The following PCDHA9 variants were observed in gnomAD, a reference collection of about 807,000 sequenced individuals.
PCDHA9 encodes the protein protocadherin alpha-9.
Under a neutral mutation model 62.0 loss-of-function variants are expected in PCDHA9, and 62 were observed. The ratio of observed to expected loss-of-function variants is 1.00; its 90% confidence interval spans 0.81 to 1.23. PCDHA9 has a LOEUF of 1.23. PCDHA9 is among the 50% of genes most tolerant of loss of function. PCDHA9 has a pLI of 0.00. For missense variants in PCDHA9, 1,205 were observed against 1,249.8 expected, an observed-to-expected ratio of 0.96 and a Z score of 0.54; for synonymous variants, 557 against 567.6, an observed-to-expected ratio of 0.98 and a Z score of 0.27.
chr5:140,917,058 C>T (rs1028478613), intron 1 of PCDHA9, among the ~76,000 whole-genome samples: 4 of 152,072 alleles, frequency 2.6e-5, no homozygotes, highest in Non-Finnish European at 5.9e-5. Context: ...TTCCCTGCTA[C>T]GACAGCACCG....
chr5:140,926,835 T>C (rs2083586569), intron 1 of PCDHA9: 4 of 1,505,630 alleles, frequency 2.7e-6, no homozygotes, highest in East Asian at 2.3e-5. Context: ...GTCCGGAGCA[T>C]GGTCCTGGGT....
intron 1 of PCDHA9, among the ~76,000 whole-genome samples, chr5:140,887,968 T>C (rs1434403033): frequency 6.6e-6 from 1 of 152,242 alleles, no homozygotes; most frequent in Non-Finnish European, 1.5e-5. Context: ...TTTGTCTCTT[T>C]TAAAATTTAT....
At chr5:141,005,960 TA>T (rs1322848010) in intron 3 of PCDHA9, among the ~76,000 whole-genome samples, 2 of 151,500 alleles carry the variant, frequency 1.3e-5, no homozygotes, top group Non-Finnish European at 2.9e-5. Context: ...CAAACAACAA[TA>T]AAAAAACAAT....
At chr5:140,879,025 A>G (rs557183400) in intron 1 of PCDHA9, among the ~76,000 whole-genome samples, 36 of 152,342 alleles carry the variant, frequency 2.4e-4, no homozygotes, top group African/African-American at 8.7e-4. Flanking sequence ...TGTTTTATTG[A>G]AGAGTGTCTT....
chr5:140,855,571 T>G (rs2043521120), intron 1 of PCDHA9, among the ~76,000 whole-genome samples: 1 of 149,810 alleles, frequency 6.7e-6, no homozygotes, highest in Non-Finnish European at 1.5e-5. Context: ...AAAGTTGTCA[T>G]TTAATAAAAT....
chr5:140,884,449 C>T, intron 1 of PCDHA9: 1 of 1,613,826 alleles, frequency 6.2e-7, no homozygotes, highest in Non-Finnish European at 8.5e-7. Context: ...CGGCACCGCC[C>T]ACCGAGGGCG....
intron 1 of PCDHA9, chr5:140,867,441 G>A (rs1188505395): frequency 1.3e-5 from 2 of 152,032 alleles, no homozygotes; most frequent in African/African-American, 4.8e-5. Flanking sequence ...GCATTTACCT[G>A]AATTAGAGTT....
chr5:140,966,732 G>T (rs2153748727), intron 1 of PCDHA9: 1 of 1,415,600 alleles, frequency 7.1e-7, no homozygotes, highest in African/African-American at 1.5e-5. Context: ...GCCGCCTCCG[G>T]CCCTGCCCGG....
rs782577579 is a variant in PCDHA9, at chr5:140,978,981, T to G, written c.2427T>G (p.Ser809=). The G allele has an allele frequency of 1.4e-5, 22 of 1,614,096 alleles. No individual in the cohort carries two copies. Among genetic ancestry groups the G allele is most frequent in the Non-Finnish European group, 1.8e-5 (21 of 1,180,040 alleles). The change falls in exon 2 of 4, where the codon TCT becomes TCG. Residue 809 remains serine (S), a synonymous_variant. Transcript: ENST00000532602. ...PRQPNPDWRY[S]ASLRAGMHSS... ...AGCCCAACCCTGACTGGCGTTACTC[T>G]GCCTCCCTGAGAGCAGGCATGCACA... is the stretch of plus-strand genomic sequence containing the variant.
intron 1 of PCDHA9, chr5:140,865,984 C>CT (rs1421738889): frequency 1.3e-5 from 2 of 152,088 alleles, no homozygotes; most frequent in Non-Finnish European, 2.9e-5. Context: ...TGAGATGGCA[C>CT]TAAGTTTTTT....
chr5:140,890,775 CATAAG>C (rs1358140207), intron 1 of PCDHA9, among the ~76,000 whole-genome samples: 5 of 152,040 alleles, frequency 3.3e-5, no homozygotes, highest in Admixed American at 6.6e-5. Context: ...TTTAAAACCC[CATAAG>C]ATATTAGTAT....
Position 140,849,822 on chromosome 5 carries a change from G to T in PCDHA9, c.1327G>T (p.Val443Leu), listed in dbSNP as rs2150452005. 3.8e-6 allele frequency: 6 copies of T among 1,598,508 alleles called. 1 individual carries two copies. The African/African-American group carries it at 8.1e-5, about 21-fold the overall frequency. ...ACTGTGGGCCACGGCCAGGGTGTCT[G>T]TGGAGGTGGCCGACGTGAACGACAA... ...PSLWATARVSVEVADVNDNAP... is the reference protein window; with the variant it reads ...PSLWATARVSLEVADVNDNAP... Residue 443 changes from valine to leucine, a missense_variant, in exon 1 of 4, where the codon GTG becomes TTG. Physicochemically the swap from Val to Leu is conservative, Grantham distance 32. Coordinates refer to ENST00000532602, the MANE Select transcript of PCDHA9 (RefSeq NM_031857.2).
intron 1 of PCDHA9, among the ~76,000 whole-genome samples, chr5:140,897,779 G>T (rs1157810079): frequency 6.6e-6 from 1 of 152,138 alleles, no homozygotes; most frequent in Non-Finnish European, 1.5e-5. Flanking sequence ...CTTCCACAAT[G>T]GTTGAACTAG....
At chr5:140,933,501 G>A (rs1320553451) in intron 1 of PCDHA9, among the ~76,000 whole-genome samples, 2 of 151,978 alleles carry the variant, frequency 1.3e-5, no homozygotes, top group Non-Finnish European at 2.9e-5. Flanking sequence ...GAATTGTTAA[G>A]CAAAGACTAC....
At chr5:140,884,143 G>C (rs782116778) in intron 1 of PCDHA9, 1 of 1,613,438 alleles carries the variant, frequency 6.2e-7, no homozygotes. Context: ...TCCGCGTGGG[G>C]CTGTACACTG....
At chr5:140,868,032 C>T (rs1456286268) in intron 1 of PCDHA9, 1 of 152,026 alleles carries the variant, frequency 6.6e-6, no homozygotes, top group Non-Finnish European at 1.5e-5. Flanking sequence ...ATGTTGGTGA[C>T]TTGGAAATAC....
rs782026526 is a variant in PCDHA9, at chr5:140,857,844, ACT to A, written c.2394+6958_2394+6959del. The stretch of plus-strand genomic sequence containing the variant: ...GCTAAGGTGCGCGCAGTGGACGCTG[ACT>A]CTGGATACAACGCGTGGCTGTCGTA... On this transcript the variant is annotated intron_variant, in intron 1 of 3. Transcript: ENST00000532602. 1.0e-5 allele frequency: 16 copies of A among 1,596,614 alleles called. No homozygotes were observed. In the Admixed American group the frequency reaches 1.2e-4, roughly 12 times the overall value.
At chr5:141,008,568 T>C (rs1430525508) in intron 3 of PCDHA9, among the ~76,000 whole-genome samples, 2 of 152,220 alleles carry the variant, frequency 1.3e-5, no homozygotes, top group African/African-American at 4.8e-5. Flanking sequence ...GCATAATCAT[T>C]TTCCCAAGAC....
intron 3 of PCDHA9, among the ~76,000 whole-genome samples, chr5:140,983,631 C>T (rs1336337529): frequency 2.0e-5 from 3 of 152,134 alleles, no homozygotes; most frequent in African/African-American, 7.2e-5. Context: ...AAGAAATGTA[C>T]CCAAGTTCAC....
Sources: gnomAD v4.1 joint callset for allele counts (sites outside exome capture counted in the v4.1 genomes callset) on GRCh38, gnomAD v4.1.1 for gene constraint, MANE v1.5 for transcripts, NCBI Gene and HGNC (gene_info 2026-07-23, HGNC 2026-07-21) for gene names.